Variants in SUGCT observed in about 807,000 individuals in gnomAD.
SUGCT encodes succinyl-CoA:glutarate CoA-transferase.
A neutral mutation model predicts 55.0 loss-of-function variants in SUGCT; 41 were observed. That is an observed-to-expected ratio of 0.74 (90% CI 0.58 to 0.97). SUGCT has a LOEUF of 0.97. Among genes scored for constraint, SUGCT ranks in the 50% least tolerant of loss-of-function variants. SUGCT has a pLI of 0.00. For missense variants in SUGCT, 568 were observed against 547.8 expected (o/e 1.04, Z -0.37); for synonymous variants, 187 against 200.4 (o/e 0.93, Z 0.56).
chr7:40,300,918 T>TGA (rs1794493501), intron 8 of SUGCT, among the ~76,000 whole-genome samples: 1 of 152,198 alleles, frequency 6.6e-6, no homozygotes, highest in Non-Finnish European at 1.5e-5. Context: ...TCCTGTGAAG[T>TGA]GATGGCCATA....
chr7:40,259,104 C>T (rs1337309394), intron 7 of SUGCT, among the ~76,000 whole-genome samples: 4 of 151,986 alleles, frequency 2.6e-5, no homozygotes, highest in African/African-American at 9.7e-5. Context: ...ATATGGAATC[C>T]GAAAATGTCT....
chr7:40,253,836 A>T (rs1790612157), intron 7 of SUGCT, among the ~76,000 whole-genome samples: 1 of 152,252 alleles, frequency 6.6e-6, no homozygotes, highest in African/African-American at 2.4e-5. Flanking sequence ...GTTTTAAAAT[A>T]ACTAGATTCT....
rs147625781 is a variant in SUGCT, at chr7:40,754,147, A to T, written c.1153+4650A>T. Among the ~76,000 whole-genome samples the T allele has an allele frequency of 1.6e-3, 248 of 152,312 alleles. 4 individuals are homozygous for T. The East Asian group carries it at 0.027, about 17-fold the overall frequency. ...TTGTTCTTTATTTAGTATATTATTC[A>T]TTAAAGTACTCCCTCATCTGAACTT... On this transcript the variant is annotated intron_variant, in intron 13 of 13. Transcript: ENST00000335693.
At chr7:40,991,478 A>T in the SUGCT span, among the ~76,000 whole-genome samples, 1 of 152,340 alleles carries the variant, frequency 6.6e-6, no homozygotes, top group African/African-American at 2.4e-5. Flanking sequence ...TGGAAAAATG[A>T]CACCGATAGA....
At chr7:40,589,318 A>G (rs1797582513) in intron 12 of SUGCT, among the ~76,000 whole-genome samples, 1 of 152,172 alleles carries the variant, frequency 6.6e-6, no homozygotes, top group Admixed American at 6.6e-5. Context: ...TAAAGAACAG[A>G]AATTTATTCT....
chr7:40,463,057 ACT>A (rs1468351070), intron 11 of SUGCT, among the ~76,000 whole-genome samples: 2 of 152,180 alleles, frequency 1.3e-5, no homozygotes, highest in African/African-American at 4.8e-5. Context: ...AACAGTAGCC[ACT>A]CACAAATAAT....
At chr7:40,535,815 A>G (rs1441749535) in intron 12 of SUGCT, among the ~76,000 whole-genome samples, 1 of 152,090 alleles carries the variant, frequency 6.6e-6, no homozygotes, top group Non-Finnish European at 1.5e-5. Context: ...GGGATTACAG[A>G]TATGAGCCAC....
chr7:40,483,447 A>G (rs915860485), intron 11 of SUGCT, among the ~76,000 whole-genome samples: 24 of 152,208 alleles, frequency 1.6e-4, no homozygotes, highest in African/African-American at 5.3e-4. Context: ...ATACTTTCAA[A>G]GTGTTAATTC....
intron 11 of SUGCT, among the ~76,000 whole-genome samples, chr7:40,461,562 A>G (rs1034201073): frequency 6.6e-6 from 1 of 152,210 alleles, no homozygotes; most frequent in African/African-American, 2.4e-5. Context: ...TGGCACCTTT[A>G]GGAAAGAACA....
At chr7:40,691,534 G>A (rs1012980157) in intron 12 of SUGCT, among the ~76,000 whole-genome samples, 5 of 152,112 alleles carry the variant, frequency 3.3e-5, no homozygotes, top group East Asian at 1.9e-4. Context: ...TTAGATATAC[G>A]CTAGATATAT....
chr7:40,618,464 G>T (rs1376562796), intron 12 of SUGCT, among the ~76,000 whole-genome samples: 5 of 152,158 alleles, frequency 3.3e-5, no homozygotes, highest in Admixed American at 3.3e-4. Flanking sequence ...TCCTAGAATT[G>T]CACATGACCA....
the SUGCT span, among the ~76,000 whole-genome samples, chr7:40,958,250 G>A: frequency 1.3e-5 from 2 of 152,016 alleles, no homozygotes; most frequent in East Asian, 3.9e-4. Context: ...ATATCCTGAA[G>A]CACGTTTTCC....
chr7:40,297,321 G>C (rs1226925386), intron 8 of SUGCT, among the ~76,000 whole-genome samples: 1 of 151,778 alleles, frequency 6.6e-6, no homozygotes, highest in African/African-American at 2.4e-5. Flanking sequence ...GTCTTACTTT[G>C]CTACTACTTT....
intron 9 of SUGCT, among the ~76,000 whole-genome samples, chr7:40,430,756 A>C (rs1262053554): frequency 6.6e-6 from 1 of 152,102 alleles, no homozygotes; most frequent in Non-Finnish European, 1.5e-5. Context: ...TAGGAGTTTT[A>C]GAGTTTCTGA....
intron 12 of SUGCT, among the ~76,000 whole-genome samples, chr7:40,720,346 T>G (rs1786261497): frequency 6.6e-6 from 1 of 152,224 alleles, no homozygotes. Context: ...AAATGCCGCA[T>G]CTTGGATTAC....
chr7:40,154,219 A>G (rs541709472), intron 1 of SUGCT: 22 of 166,362 alleles, frequency 1.3e-4, no homozygotes, highest in African/African-American at 5.0e-4. Context: ...TGTCAGCATG[A>G]AGAACTTGCT....
At chr7:40,623,670 ACTTGC>A (rs1045585109) in intron 12 of SUGCT, among the ~76,000 whole-genome samples, 2 of 152,170 alleles carry the variant, frequency 1.3e-5, no homozygotes, top group African/African-American at 4.8e-5. Context: ...ATAATCTTAA[ACTTGC>A]CTTTTAAGTT....
At chr7:40,404,324 G>A (rs1786242315) in intron 9 of SUGCT, among the ~76,000 whole-genome samples, 1 of 152,176 alleles carries the variant, frequency 6.6e-6, no homozygotes, top group Non-Finnish European at 1.5e-5. Context: ...GGTTTTACTT[G>A]TTAGGCAAGG....
intron 1 of SUGCT, among the ~76,000 whole-genome samples, chr7:40,155,485 C>G (rs952330189): frequency 6.6e-6 from 1 of 151,974 alleles, no homozygotes; most frequent in African/African-American, 2.4e-5. Context: ...AGGTATGGTT[C>G]CCACAAAAAG....
Sources: allele counts gnomAD v4.1 joint callset (sites outside exome capture counted in the v4.1 genomes callset), GRCh38; gene constraint gnomAD v4.1.1; transcripts MANE v1.5; gene names NCBI Gene and HGNC (gene_info 2026-07-23, HGNC 2026-07-21).